Variants in TENM4 observed in about 807,000 individuals in gnomAD.
TENM4 encodes the protein teneurin-4.
In TENM4, 82 loss-of-function variants were observed where a neutral mutation model predicts 243.3. The ratio of observed to expected loss-of-function variants is 0.34; its 90% CI spans 0.28 to 0.40. TENM4 has a LOEUF of 0.40. Ranked by LOEUF, TENM4 falls within the 10% of genes least tolerant of loss-of-function variation. The probability of loss-of-function intolerance (pLI) is 1.00; values close to 1 mark genes in which losing one functional copy is unlikely to be tolerated. For missense variants in TENM4, 3,138 were observed against 3,673.3 expected (o/e 0.85, Z 3.77); for synonymous variants, 1,412 against 1,456.3 (o/e 0.97, Z 0.69).
intron 12 of TENM4, among the ~76,000 whole-genome samples, chr11:78,832,184 C>A (rs925826965): frequency 3.3e-5 from 5 of 152,186 alleles, no homozygotes; most frequent in Non-Finnish European, 7.3e-5. Context: ...TTGTTCAGTG[C>A]CTTTTCCTTT....
At chr11:78,803,085 C>T (rs1454734578) in intron 15 of TENM4, among the ~76,000 whole-genome samples, 2 of 150,260 alleles carry the variant, frequency 1.3e-5, no homozygotes, top group African/African-American at 4.9e-5. Flanking sequence ...GGCTGGAGTA[C>T]AGTGGCACGA....
At chr11:79,374,885 C>T (rs980146400) in intron 1 of TENM4, among the ~76,000 whole-genome samples, 1 of 152,180 alleles carries the variant, frequency 6.6e-6, no homozygotes, top group East Asian at 1.9e-4. Context: ...TAAACACACA[C>T]GCACTTCATG....
intron 1 of TENM4, chr11:79,402,122 A>C (rs1224330991): frequency 2.8e-6 from 1 of 363,520 alleles, no homozygotes; most frequent in East Asian, 7.7e-5. Context: ...CATTTCACAC[A>C]CAGCAGTCCC....
intron 2 of TENM4, among the ~76,000 whole-genome samples, chr11:79,271,228 C>T (rs1855963794): frequency 1.3e-5 from 2 of 152,148 alleles, no homozygotes; most frequent in South Asian, 2.1e-4. Flanking sequence ...CAACAGCCAG[C>T]GTTCCTGAGC....
At chr11:78,661,257 G>A (rs1858023018) in intron 33 of TENM4, among the ~76,000 whole-genome samples, 192 bp downstream of exon 33, 1 of 152,242 alleles carries the variant, frequency 6.6e-6, no homozygotes, top group Non-Finnish European at 1.5e-5. Context: ...GCGTCTGTGT[G>A]TGGTCATGGC....
At position 78,867,003 on chromosome 11, in the gene TENM4, C is replaced by T. The variant is rs145861780; in HGVS notation, c.1085-3871G>A. Among the ~76,000 whole-genome samples the T allele has an allele frequency of 4.7e-3, 722 of 152,082 alleles. 5 individuals are homozygous for T. The highest frequency in any genetic ancestry group is 0.016 in the African/African-American group (679 of 41,476). On this transcript the variant is annotated intron_variant, in intron 9 of 33. Coordinates refer to ENST00000278550, the MANE Select transcript of TENM4 (RefSeq NM_001098816.3). ...AGAAGGTGTATATACTTATGGGACA[C>T]GTGAGATGTTTTGATAACAGGCTTG...
intron 16 of TENM4, among the ~76,000 whole-genome samples, chr11:78,783,746 C>T (rs1282894949): frequency 6.6e-6 from 1 of 152,206 alleles, no homozygotes; most frequent in Non-Finnish European, 1.5e-5. Context: ...GTCAAATTCC[C>T]TTTCATTCTG....
At chr11:79,154,002 G>A (rs1270864267) in intron 3 of TENM4, among the ~76,000 whole-genome samples, 1 of 152,046 alleles carries the variant, frequency 6.6e-6, no homozygotes, top group Admixed American at 6.6e-5. Flanking sequence ...AAAACACTGG[G>A]TGTGAAAAGT....
At chr11:79,142,248 A>T (rs955276271) in intron 4 of TENM4, among the ~76,000 whole-genome samples, 2 of 152,144 alleles carry the variant, frequency 1.3e-5, no homozygotes, top group Non-Finnish European at 2.9e-5. Context: ...ACTCCATCAA[A>T]AAATTTTTAG....
At chr11:79,030,928 G>A (rs924239007) in intron 6 of TENM4, among the ~76,000 whole-genome samples, 2 of 152,094 alleles carry the variant, frequency 1.3e-5, no homozygotes, top group African/African-American at 2.4e-5. Context: ...AGGAGACAGA[G>A]GCAAAAAGAG....
intron 6 of TENM4, among the ~76,000 whole-genome samples, chr11:78,991,514 G>C (rs1474645455): frequency 1.3e-5 from 2 of 152,190 alleles, no homozygotes; most frequent in African/African-American, 2.4e-5. Flanking sequence ...CCTTACCACA[G>C]TTAATAGGGT....
chr11:78,960,851 C>A (rs1247109428), intron 6 of TENM4, among the ~76,000 whole-genome samples: 1 of 152,200 alleles, frequency 6.6e-6, no homozygotes, highest in Non-Finnish European at 1.5e-5. Context: ...GTGCTGGGAG[C>A]TTTCACAGAC....
At position 78,924,763 on chromosome 11, in the gene TENM4, G is replaced by C. The variant is rs1591133831; in HGVS notation, c.494-21240C>G. 2.0e-5 allele frequency: 3 copies of C among 152,176 alleles called. No homozygotes were observed. The East Asian group carries it at 5.8e-4, about 29-fold the overall frequency. 9.4% of individuals were successfully genotyped at this position (152,176 alleles called of 1,614,324 possible). A position where few individuals can be genotyped will look rare whatever the true frequency, so the allele number is the denominator to read the frequency against. On this transcript the variant is annotated intron_variant, in intron 6 of 33. Transcript: ENST00000278550. Reference sequence around the variant, plus strand: ...ATTTCCCAACTGTAAGAAAAAAACAGCAGAAATCATTTTTTAAAAAGGTGT... The same window carrying C: ...ATTTCCCAACTGTAAGAAAAAAACACCAGAAATCATTTTTTAAAAAGGTGT...
At chr11:79,309,212 T>C (rs1856678454) in intron 1 of TENM4, among the ~76,000 whole-genome samples, 1 of 152,236 alleles carries the variant, frequency 6.6e-6, no homozygotes, top group South Asian at 2.1e-4. Context: ...TTAAATTCTT[T>C]GGTATTAAAA....
chr11:78,941,101 C>T (rs1856883774), intron 6 of TENM4, among the ~76,000 whole-genome samples: 1 of 152,210 alleles, frequency 6.6e-6, no homozygotes, highest in Non-Finnish European at 1.5e-5. Flanking sequence ...TTCCAGGGAG[C>T]TCACAGCCTG....
At chr11:78,915,682 G>A (rs1856299087) in intron 6 of TENM4, among the ~76,000 whole-genome samples, 1 of 152,148 alleles carries the variant, frequency 6.6e-6, no homozygotes, top group Non-Finnish European at 1.5e-5. Context: ...GCTCCTGCAG[G>A]GAATAGCCTA....
intron 6 of TENM4, among the ~76,000 whole-genome samples, chr11:78,961,968 C>T (rs1857335799): frequency 6.6e-6 from 1 of 152,180 alleles, no homozygotes; most frequent in Admixed American, 6.5e-5. Flanking sequence ...TCCAGCGGCG[C>T]CGCGGGGCAA....
At chr11:78,917,837 C>G (rs966326905) in intron 6 of TENM4, among the ~76,000 whole-genome samples, 2 of 152,172 alleles carry the variant, frequency 1.3e-5, no homozygotes, top group Non-Finnish European at 2.9e-5. Flanking sequence ...CTACTATTTC[C>G]TAGCTGTGGC....
intron 4 of TENM4, among the ~76,000 whole-genome samples, chr11:79,136,792 A>C (rs1862118442): frequency 6.6e-6 from 1 of 152,174 alleles, no homozygotes; most frequent in South Asian, 2.1e-4. Context: ...TTATGGCTAA[A>C]GAAGTGTGAC....
Sources: allele counts gnomAD v4.1 joint callset (sites outside exome capture counted in the v4.1 genomes callset), GRCh38; gene constraint gnomAD v4.1.1; transcripts MANE v1.5; gene names NCBI Gene and HGNC (gene_info 2026-07-23, HGNC 2026-07-21).